The following TTF2 variants were observed in gnomAD, a reference collection of about 807,000 sequenced individuals.
TTF2 encodes transcription termination factor 2.
Under a neutral mutation model 142.4 loss-of-function variants are expected in TTF2, and 108 were observed. The observed-to-expected ratio is 0.76, with a 90% CI of 0.65 to 0.89. The LOEUF (loss-of-function observed/expected upper bound fraction) is 0.89, where lower values mean the gene tolerates loss of function less well. TTF2 is among the 40% of genes least tolerant of loss of function. TTF2 has a pLI of 0.00. For synonymous variants in TTF2, 483 were observed against 506.2 expected (o/e 0.95, Z 0.61); for missense variants, 1,327 against 1,379.8 (o/e 0.96, Z 0.61).
chr1:117,075,329 A>G lies in TTF2; in HGVS notation c.745A>G (p.Arg249Gly). The G allele has an allele frequency of 6.2e-7, 1 of 1,614,206 alleles. No homozygotes were observed. Among genetic ancestry groups the G allele is most frequent in the African/African-American group, 1.3e-5 (1 of 75,042 alleles). The part of the protein sequence containing the change: ...KSSGKSQDVQ[R>G]ESEPLREKVT... Reference sequence around the variant, plus strand: ...AAGTGGTAAGAGTCAAGATGTCCAAAGAGAATCAGAACCTCTGAGAGAAAA... The same window carrying G: ...AAGTGGTAAGAGTCAAGATGTCCAAGGAGAATCAGAACCTCTGAGAGAAAA... Residue 249 changes from arginine (R) to glycine (G), a missense_variant, in exon 5 of 23, where the codon AGA becomes GGA. Physicochemically the swap from Arg to Gly is moderately radical, Grantham distance 125. Transcript: ENST00000369466. This position sits in a 1 kb window ranked among gnomAD's most constrained non-coding sequence, Gnocchi z 4.5.
At position 117,093,182 on chromosome 1, in the gene TTF2, CAGGTTTGTGCT is replaced by C. The variant is rs1648760616; in HGVS notation, c.2976+285_2976+295del. Among the ~76,000 whole-genome samples the C allele has an allele frequency of 6.6e-6, 1 of 152,148 alleles. No homozygotes were observed. ...TGTCATGGGTCACTGGGGAGCTTGC[CAGGTTTGTGCT>C]AGGGACGGGGCCTATGCAAGTGAGC... On this transcript the variant is annotated intron_variant, in intron 18 of 22. Coordinates refer to ENST00000369466, the MANE Select transcript of TTF2 (RefSeq NM_003594.4). The surrounding 1 kb of genome is among the most constrained non-coding windows in gnomAD (Gnocchi z 4.5).
At chr1:117,065,459 A>C (rs577744281) in intron 3 of TTF2, among the ~76,000 whole-genome samples, 1 of 152,160 alleles carries the variant, frequency 6.6e-6, no homozygotes, top group African/African-American at 2.4e-5. Context: ...TTAGCCGGGC[A>C]TGGTGGAAGG....
At chr1:117,096,413 T>C (rs1570883443) in intron 20 of TTF2, 114 bp downstream of exon 20, 1 of 1,371,844 alleles carries the variant, frequency 7.3e-7, no homozygotes, top group Non-Finnish European at 9.9e-7. Context: ...GTTTTGCTCT[T>C]GTTGCCCAGG....
At position 117,100,950 on chromosome 1, in the gene TTF2, C is replaced by A. The variant is rs75526221; in HGVS notation, c.3345-430C>A. ...TACTTTTGAATGAGTGAATGAATGA[C>A]AACAGTGCCATTTACTTGGTTTGAA... On this transcript the variant is annotated intron_variant, in intron 22 of 22. Transcript: ENST00000369466. The surrounding 1 kb of genome is among the most constrained non-coding windows in gnomAD (Gnocchi z 4.6). Among the ~76,000 whole-genome samples, 1,435 of 152,296 alleles carry A rather than the reference C, an allele frequency of 9.4e-3. 19 individuals are homozygous for A. The highest frequency in any genetic ancestry group is 0.031 in the African/African-American group (1,290 of 41,536).
At chr1:117,077,796 G>A in intron 7 of TTF2, 120 bp from the exon 8 acceptor site, 1 of 1,354,142 alleles carries the variant, frequency 7.4e-7, no homozygotes, top group Non-Finnish European at 1.0e-6. Flanking sequence ...GAAAGTTGAG[G>A]AGAGTAGTTA....
intron 11 of TTF2, among the ~76,000 whole-genome samples, 189 bp downstream of exon 11, chr1:117,084,357 G>C (rs1199133993): frequency 2.0e-5 from 3 of 152,194 alleles, no homozygotes; most frequent in African/African-American, 7.2e-5. Context: ...ATCTTTTGCT[G>C]TGTCCTTGTC....
At position 117,092,835 on chromosome 1, in the gene TTF2, C is replaced by T. The variant is rs1226911285; in HGVS notation, c.2910C>T (p.Ser970=). Residue 970 remains serine, a synonymous_variant, in exon 18 of 23, where the codon TCC becomes TCT. Transcript: ENST00000369466. This position sits in a 1 kb window ranked among gnomAD's most constrained non-coding sequence, Gnocchi z 4.4. The stretch of plus-strand genomic sequence containing the variant: ...AACTCCGTGACTCAGAGCCATCTTC[C>T]ACTGTTTCCCTTAACGGCACCTTCT... The part of the protein sequence containing the change: ...LSELRDSEPS[S]TVSLNGTFFK... 5.6e-6 allele frequency: 9 copies of T among 1,614,070 alleles called. No individual in the cohort carries two copies. The highest frequency in any genetic ancestry group is 5.9e-6 in the Non-Finnish European group (7 of 1,180,044).
rs1475504900 is a variant in TTF2, at chr1:117,098,721, A to G, written c.3270-112A>G. ...CTTAAATCCCTTTAAAACTGTAACA[A>G]TAATTTTTAGCTACAAAAACAAGCT... On this transcript the variant is annotated intron_variant, in intron 21 of 22. Coordinates refer to ENST00000369466, the MANE Select transcript of TTF2 (RefSeq NM_003594.4). 4.5e-6 allele frequency: 4 copies of G among 880,700 alleles called. No homozygotes were observed. In the African/African-American group the frequency reaches 5.1e-5, roughly 11 times the overall value. 54.6% of individuals were successfully genotyped at this position (880,700 alleles called of 1,614,324 possible).
chr1:117,074,986 A>C lies in TTF2; in HGVS notation c.402A>C (p.Glu134Asp), dbSNP rs1314624775. 1.2e-6 allele frequency: 2 copies of C among 1,614,090 alleles called. No homozygotes were observed. Reference protein sequence around the residue: ...NPFKVLDKNQEPALWKQLIKG... With the variant: ...NPFKVLDKNQDPALWKQLIKG... Reference sequence around the variant, plus strand: ...TCAAGGTACTTGACAAGAATCAAGAACCAGCTCTCTGGAAACAGCTCATCA... The same window carrying C: ...TCAAGGTACTTGACAAGAATCAAGACCCAGCTCTCTGGAAACAGCTCATCA... The change falls in exon 5 of 23, where the codon GAA becomes GAC. Residue 134 changes from glutamate (E) to aspartate (D), a missense_variant. Glu to Asp is a conservative substitution (Grantham distance 45). Transcript: ENST00000369466.
Position 117,080,669 on chromosome 1 carries a change from C to T in TTF2, c.1783+1020C>T, listed in dbSNP as rs1464750796. Among the ~76,000 whole-genome samples, 1 of 152,166 alleles carries T rather than the reference C, an allele frequency of 6.6e-6. No individual in the cohort carries two copies. Among genetic ancestry groups the T allele is most frequent in the African/African-American group, 2.4e-5 (1 of 41,450 alleles). ...ACTGTGTCAGTGGTCCTCAAAACCA[C>T]CCCCAGGTTCGATGATTTGCTAGTA... is the stretch of plus-strand genomic sequence containing the variant. On this transcript the variant is annotated intron_variant, in intron 9 of 22. Coordinates refer to ENST00000369466, the MANE Select transcript of TTF2 (RefSeq NM_003594.4). The surrounding 1 kb of genome is among the most constrained non-coding windows in gnomAD (Gnocchi z 4.3).
rs1305752410 is a variant in TTF2, at chr1:117,073,896, G to T, written c.285+169G>T. On this transcript the variant is annotated intron_variant, in intron 4 of 22. Coordinates refer to ENST00000369466, the MANE Select transcript of TTF2 (RefSeq NM_003594.4). This position sits in a 1 kb window ranked among gnomAD's most constrained non-coding sequence, Gnocchi z 4.4. ...GCCCTGTTGGGACTTTTATTCAAAG[G>T]ATCATTTAGTCGTAATCAAGATTAA... Among the ~76,000 whole-genome samples the T allele has an allele frequency of 6.6e-6, 1 of 152,146 alleles. No individual in the cohort carries two copies. The highest frequency in any genetic ancestry group is 2.4e-5 in the African/African-American group (1 of 41,398).
Position 117,076,397 on chromosome 1 carries a change from A to G in TTF2, c.1390+103A>G. Reference sequence around the variant, plus strand: ...AATGTGTTGATTCATTCACTTTTCCATTTTATTATCTGCTTCTGAGACTTC... The same window carrying G: ...AATGTGTTGATTCATTCACTTTTCCGTTTTATTATCTGCTTCTGAGACTTC... On this transcript the variant is annotated intron_variant, in intron 6 of 22. Transcript: ENST00000369466. The surrounding 1 kb of genome is among the most constrained non-coding windows in gnomAD (Gnocchi z 4.6). 1 of 1,026,622 alleles carries G rather than the reference A, an allele frequency of 9.7e-7. No homozygotes were observed. Among genetic ancestry groups the G allele is most frequent in the Non-Finnish European group, 1.4e-6 (1 of 705,014 alleles). The allele number at this position is 1,026,622 out of a possible 1,614,324, so 63.6% of individuals were successfully genotyped here. A position where few individuals can be genotyped will look rare whatever the true frequency, so the allele number is the denominator to read the frequency against.
At position 117,063,223 on chromosome 1, in the gene TTF2, G is replaced by T. The variant is rs900229885; in HGVS notation, c.218+750G>T. 5.9e-5 allele frequency among the ~76,000 whole-genome samples: 9 copies of T among 152,064 alleles called. No individual in the cohort carries two copies. Among genetic ancestry groups the T allele is most frequent in the Non-Finnish European group, 1.3e-4 (9 of 68,004 alleles). ...CCACCTACAATTTTTATATACCTGA[G>T]TACTGTTCATACTTCTATTTTTCTT... On this transcript the variant is annotated intron_variant, in intron 3 of 22. Coordinates refer to ENST00000369466, the MANE Select transcript of TTF2 (RefSeq NM_003594.4). The surrounding 1 kb of genome is among the most constrained non-coding windows in gnomAD (Gnocchi z 4.1).
intron 2 of TTF2, among the ~76,000 whole-genome samples, chr1:117,061,996 G>T (rs1655724144): frequency 6.6e-6 from 1 of 152,170 alleles, no homozygotes; most frequent in Admixed American, 6.5e-5. Flanking sequence ...AGGTAGGCGT[G>T]TGAATAACAC....
rs1023492400 is a variant in TTF2, at chr1:117,097,945, G to A, written c.3269+512G>A. On this transcript the variant is annotated intron_variant, in intron 21 of 22. Transcript: ENST00000369466. The surrounding 1 kb of genome is among the most constrained non-coding windows in gnomAD (Gnocchi z 4.1). ...TACCAGGAGTACAACCACATCTTTC[G>A]TGGCTACAGAATGAATGAGTTAGTG... 3.9e-5 allele frequency among the ~76,000 whole-genome samples: 6 copies of A among 152,140 alleles called. No individual in the cohort carries two copies. Among genetic ancestry groups the A allele is most frequent in the African/African-American group, 1.4e-4 (6 of 41,438 alleles).
rs1649396672 is a variant in TTF2 at position 117,099,238 on chromosome 1, A to C, written c.3344+331A>C. On this transcript the variant is annotated intron_variant, in intron 22 of 22. Transcript: ENST00000369466. This position sits in a 1 kb window ranked among gnomAD's most constrained non-coding sequence, Gnocchi z 4.3. ...AAAACGTACAAGAATAGTACCAAAA[A>C]GTTCCCATATATTATGGTGTGCATG... Among the ~76,000 whole-genome samples, 1 of 152,168 alleles carries C rather than the reference A, an allele frequency of 6.6e-6. No individual in the cohort carries two copies. The highest frequency in any genetic ancestry group is 6.5e-5 in the Admixed American group (1 of 15,282).
Position 117,090,131 on chromosome 1 carries a change from G to A in TTF2, c.2419G>A (p.Glu807Lys). Residue 807 changes from glutamate (E) to lysine (K), a missense_variant, in exon 14 of 23, where the codon GAA (glutamate) becomes AAA (lysine). Transcript: ENST00000369466. The surrounding 1 kb of genome is among the most constrained non-coding windows in gnomAD (Gnocchi z 4.8). ...TGACAATGGCTCAAAGAAAGGAGGA[G>A]AACGGTTAAGTATTTTAACCAAGAG... ...QVDNGSKKGG[E>K]RLSILTKSLL... 6.2e-7 allele frequency: 1 copy of A among 1,614,144 alleles called. No homozygotes were observed.
chr1:117,084,221 C>T (rs989619166), intron 11 of TTF2, 53 bp downstream of exon 11: 17 of 1,603,746 alleles, frequency 1.1e-5, no homozygotes, highest in Admixed American at 1.7e-5. Context: ...TGCCCAAGGG[C>T]CCACGGGCCT....
Position 117,075,916 on chromosome 1 carries a change from A to G in TTF2, c.1275+57A>G, listed in dbSNP as rs1205339709. The G allele has an allele frequency of 6.5e-7, 1 of 1,536,566 alleles. No homozygotes were observed. The highest frequency in any genetic ancestry group is 2.2e-5 in the East Asian group (1 of 44,478). On this transcript the variant is annotated intron_variant, in intron 5 of 22. Coordinates refer to ENST00000369466, the MANE Select transcript of TTF2 (RefSeq NM_003594.4). This position sits in a 1 kb window ranked among gnomAD's most constrained non-coding sequence, Gnocchi z 4.5. ...TCAGAGCATTGCTTGTTATGGGCAG[A>G]TATGAGATCTCATTGCTACAGAAGG...
Sources: allele counts gnomAD v4.1 joint callset (sites outside exome capture counted in the v4.1 genomes callset), GRCh38; gene constraint gnomAD v4.1.1; non-coding constraint Gnocchi (gnomAD v3.1); transcripts MANE v1.5; gene names NCBI Gene and HGNC (gene_info 2026-07-23, HGNC 2026-07-21).